The following TMEM117 variants were observed in gnomAD, a reference collection of about 807,000 sequenced individuals.
The protein encoded by TMEM117 is transmembrane protein 117.
TMEM117 carries 27 observed loss-of-function variants against 52.4 expected under a neutral mutation model. That is an observed-to-expected ratio of 0.51 (90% CI 0.38 to 0.71). The LOEUF is 0.71. Among genes scored for constraint, TMEM117 ranks in the 30% least tolerant of loss-of-function variants. The probability of loss-of-function intolerance (pLI) is 0.00; values close to 1 mark genes in which losing one functional copy is unlikely to be tolerated. For missense variants in TMEM117, 556 were observed against 630.5 expected, an observed-to-expected ratio of 0.88 and a Z score of 1.26; for synonymous variants, 215 against 206.3, an observed-to-expected ratio of 1.04 and a Z score of -0.36.
intron 2 of TMEM117, among the ~76,000 whole-genome samples, chr12:43,882,027 G>A (rs1012988717): frequency 2.0e-5 from 3 of 150,186 alleles, no homozygotes; most frequent in East Asian, 2.0e-4. Context: ...AGCCCAGATC[G>A]AGCCACTGCA....
intron 7 of TMEM117, among the ~76,000 whole-genome samples, chr12:44,384,032 C>T (rs1952055781): frequency 6.6e-6 from 1 of 152,132 alleles, no homozygotes. Flanking sequence ...AACTCCCTCA[C>T]TTTATAGACA....
chr12:44,006,618 T>A (rs555308852), intron 3 of TMEM117, among the ~76,000 whole-genome samples: 1 of 152,322 alleles, frequency 6.6e-6, no homozygotes, highest in South Asian at 2.1e-4. Context: ...AACTAAGTAT[T>A]GACCATTATA....
chr12:43,984,462 A>T (rs1234370521), intron 3 of TMEM117, among the ~76,000 whole-genome samples: 1 of 152,150 alleles, frequency 6.6e-6, no homozygotes, highest in African/African-American at 2.4e-5. Context: ...CATGACTACT[A>T]TATTACATTG....
the TMEM117 span, chr12:43,806,292 G>T: frequency 6.9e-7 from 1 of 1,442,138 alleles, no homozygotes. Flanking sequence ...GCAGCCAGCG[G>T]CCCCGGCCGG....
At chr12:43,959,799 A>AT (rs1945372765) in intron 3 of TMEM117, among the ~76,000 whole-genome samples, 1 of 152,102 alleles carries the variant, frequency 6.6e-6, no homozygotes, top group Admixed American at 6.5e-5. Flanking sequence ...TAAGAAAAAA[A>AT]TTAAATTTAA....
chr12:44,284,798 A>G (rs79345520), intron 5 of TMEM117, among the ~76,000 whole-genome samples: 4,300 of 148,478 alleles, frequency 0.029, 97 homozygotes, highest in African/African-American at 0.061. Context: ...ATGGCTTTGC[A>G]TTCTACTAGG....
chr12:43,835,362 GTGC>G (rs1471852020), upstream of TMEM117, among the ~76,000 whole-genome samples: 3 of 152,188 alleles, frequency 2.0e-5, no homozygotes, highest in Non-Finnish European at 1.5e-5. Flanking sequence ...ATGAGTATGT[GTGC>G]TGATGTACAT....
intron 7 of TMEM117, among the ~76,000 whole-genome samples, chr12:44,387,308 A>G (rs981235791): frequency 6.6e-6 from 1 of 151,856 alleles, no homozygotes; most frequent in African/African-American, 2.4e-5. Context: ...ATTTGATAAA[A>G]GATCATTAAA....
At chr12:44,384,599 T>C (rs1387718669) in intron 7 of TMEM117, among the ~76,000 whole-genome samples, 1 of 152,206 alleles carries the variant, frequency 6.6e-6, no homozygotes, top group Non-Finnish European at 1.5e-5. Context: ...TTAGAAAGCA[T>C]ATTTACATAG....
intron 2 of TMEM117, among the ~76,000 whole-genome samples, chr12:43,903,756 T>C (rs1944341185): frequency 6.6e-6 from 1 of 152,188 alleles, no homozygotes; most frequent in Non-Finnish European, 1.5e-5. Flanking sequence ...GATCTTGCAG[T>C]GCAGCTCAGC....
intron 5 of TMEM117, among the ~76,000 whole-genome samples, chr12:44,296,467 G>T (rs1296416067): frequency 6.6e-6 from 1 of 152,174 alleles, no homozygotes; most frequent in Non-Finnish European, 1.5e-5. Flanking sequence ...AGCAGGGCTG[G>T]AGCTGGGTCA....
At chr12:44,242,685 A>G (rs1049922858) in intron 5 of TMEM117, among the ~76,000 whole-genome samples, 1 of 146,088 alleles carries the variant, frequency 6.8e-6, no homozygotes, top group African/African-American at 2.5e-5. Context: ...ATATCCATAC[A>G]TATTATATAT....
chr12:43,995,051 T>C (rs1351298111), intron 3 of TMEM117, among the ~76,000 whole-genome samples: 1 of 151,814 alleles, frequency 6.6e-6, no homozygotes, highest in Non-Finnish European at 1.5e-5. Flanking sequence ...CTGAGGCGGG[T>C]GGATCACGAG....
chr12:44,116,788 A>T (rs988445760), intron 3 of TMEM117, among the ~76,000 whole-genome samples: 6 of 152,148 alleles, frequency 3.9e-5, no homozygotes, highest in African/African-American at 1.2e-4. Flanking sequence ...TCCTCATCCT[A>T]CAAATTCTAT....
At chr12:43,811,267 C>A in the TMEM117 span, among the ~76,000 whole-genome samples, 1 of 152,150 alleles carries the variant, frequency 6.6e-6, no homozygotes, top group South Asian at 2.1e-4. Flanking sequence ...TTTTCTATTT[C>A]CCTTCCCCAC....
intron 3 of TMEM117, among the ~76,000 whole-genome samples, chr12:44,136,562 T>C (rs1447437577): frequency 8.5e-5 from 13 of 152,256 alleles, no homozygotes; most frequent in Non-Finnish European, 1.0e-4. Context: ...GAATATATTT[T>C]GTTTCCTTTT....
chr12:44,030,758 C>T (rs946566567), intron 3 of TMEM117, among the ~76,000 whole-genome samples: 9 of 152,114 alleles, frequency 5.9e-5, no homozygotes, highest in African/African-American at 2.2e-4. Context: ...AATTTGTAAC[C>T]TTCAGCATAA....
intron 2 of TMEM117, among the ~76,000 whole-genome samples, chr12:43,938,905 C>T (rs1465505546): frequency 2.0e-5 from 3 of 151,882 alleles, no homozygotes; most frequent in Admixed American, 6.6e-5. Flanking sequence ...GAGGCTGAGG[C>T]GGGAGAATCA....
chr12:44,178,407 T>C (rs929472024), intron 4 of TMEM117, among the ~76,000 whole-genome samples: 9 of 152,168 alleles, frequency 5.9e-5, no homozygotes, highest in African/African-American at 1.9e-4. Flanking sequence ...ATTCTTTTAA[T>C]AGACGTTTTC....
Sources: allele counts gnomAD v4.1 joint callset (sites outside exome capture counted in the v4.1 genomes callset), GRCh38; gene constraint gnomAD v4.1.1; transcripts MANE v1.5; gene names NCBI Gene and HGNC (gene_info 2026-07-23, HGNC 2026-07-21).